NHLRC2: variants seen among roughly 807,000 people sequenced by gnomAD.
NHLRC2 encodes the protein NHL repeat-containing protein 2.
NHLRC2 carries 33 observed loss-of-function variants against 68.1 expected under a neutral mutation model. That is an observed-to-expected ratio of 0.48 (90% CI 0.37 to 0.65). The LOEUF (loss-of-function observed/expected upper bound fraction) is 0.65, where lower values mean the gene tolerates loss of function less well. NHLRC2 is among the 30% of genes least tolerant of loss of function. The pLI, the probability that NHLRC2 is intolerant of heterozygous loss-of-function variation, is 0.00. For missense variants in NHLRC2, 761 were observed against 853.8 expected (o/e 0.89, Z 1.35); for synonymous variants, 311 against 309.6 (o/e 1.00, Z -0.05).
chr10:113,872,465 A>G (rs189107219), intron 2 of NHLRC2, among the ~76,000 whole-genome samples: 1 of 152,296 alleles, frequency 6.6e-6, no homozygotes, highest in East Asian at 1.9e-4. Flanking sequence ...TCAGAGTTAA[A>G]ATGCTGATAC....
At chr10:113,874,785 T>A (rs1053669515) in intron 2 of NHLRC2, among the ~76,000 whole-genome samples, 1 of 152,100 alleles carries the variant, frequency 6.6e-6, no homozygotes, top group African/African-American at 2.4e-5. Flanking sequence ...TTGGATTAAT[T>A]TCTGTTGAGC....
At position 113,916,663 on chromosome 10, in the gene NHLRC2, A is replaced by G. The variant is rs1846389119; in HGVS notation, c.*8127A>G. On this transcript the variant is annotated 3_prime_UTR_variant, in exon 11 of 11. Transcript: ENST00000369301. ...TGCTGTGTGATTGCAGTTTTAAATTATAACATTTCATAAATATGTCAATTT... is the reference window on the plus strand; with the variant it reads ...TGCTGTGTGATTGCAGTTTTAAATTGTAACATTTCATAAATATGTCAATTT... 1 of 152,206 alleles carries G rather than the reference A, an allele frequency of 6.6e-6. No individual in the cohort carries two copies. The highest frequency in any genetic ancestry group is 6.5e-5 in the Admixed American group (1 of 15,280). 9.4% of individuals were successfully genotyped at this position (152,206 alleles called of 1,614,324 possible).
At chr10:113,865,765 A>G (rs1845862235) in intron 2 of NHLRC2, among the ~76,000 whole-genome samples, 1 of 152,170 alleles carries the variant, frequency 6.6e-6, no homozygotes, top group South Asian at 2.1e-4. Context: ...GAAAATCCTG[A>G]TAACTTAAAA....
chr10:113,887,543 C>A (rs939903051), intron 5 of NHLRC2, among the ~76,000 whole-genome samples: 2 of 150,008 alleles, frequency 1.3e-5, no homozygotes, highest in East Asian at 4.0e-4. Context: ...GCTGAGGCGG[C>A]CAGATCACCT....
In NHLRC2 at chr10:113,892,538, A is replaced by G. The variant is rs771712471; in HGVS notation, c.1040-5572A>G. Among the ~76,000 whole-genome samples, 83 of 152,282 alleles carry G rather than the reference A, an allele frequency of 5.5e-4. No homozygotes were observed. The Middle Eastern group carries it at 0.01, about 19-fold the overall frequency. On this transcript the variant is annotated intron_variant, in intron 5 of 10. Coordinates refer to ENST00000369301, the MANE Select transcript of NHLRC2 (RefSeq NM_198514.4). ...TTTAGAGGGAACAAATCTAATACCC[A>G]TACTCAGTGATGGAACTGTGTGCTT...
intron 5 of NHLRC2, among the ~76,000 whole-genome samples, chr10:113,887,575 GCCTCGCCA>G (rs1345127292): frequency 6.6e-6 from 1 of 152,044 alleles, no homozygotes; most frequent in Non-Finnish European, 1.5e-5. Flanking sequence ...TTCAAGACCA[GCCTCGCCA>G]ACGTGGTGAA....
intron 2 of NHLRC2, among the ~76,000 whole-genome samples, chr10:113,867,879 T>C (rs1845883525): frequency 6.6e-6 from 1 of 152,322 alleles, no homozygotes; most frequent in East Asian, 1.9e-4. Context: ...TGTAATTGAG[T>C]GCATTTAGAA....
intron 1 of NHLRC2, among the ~76,000 whole-genome samples, chr10:113,857,617 G>A (rs2419857): frequency 0.39 from 59,488 of 152,008 alleles, 13,585 homozygotes; most frequent in Middle Eastern, 0.54. Context: ...GCTGCATTGA[G>A]TTATTTATAA....
intron 2 of NHLRC2, among the ~76,000 whole-genome samples, chr10:113,862,915 A>C (rs1308135232): frequency 6.6e-6 from 1 of 152,236 alleles, no homozygotes; most frequent in African/African-American, 2.4e-5. Flanking sequence ...CTGAGGCAGG[A>C]AGATCACTTG....
At chr10:113,863,661 T>C (rs866250804) in intron 2 of NHLRC2, among the ~76,000 whole-genome samples, 4 of 152,022 alleles carry the variant, frequency 2.6e-5, no homozygotes, top group Non-Finnish European at 5.9e-5. Flanking sequence ...AAAAGATCAA[T>C]TTGGGTACAA....
At chr10:113,877,406 A>G (rs990540778) in intron 3 of NHLRC2, among the ~76,000 whole-genome samples, 7 of 152,298 alleles carry the variant, frequency 4.6e-5, no homozygotes, top group South Asian at 2.1e-4. Context: ...CTTGAGATGT[A>G]GTTTATAAAA....
At chr10:113,867,338 TTAAA>T (rs767707208) in intron 2 of NHLRC2, among the ~76,000 whole-genome samples, 19 of 152,380 alleles carry the variant, frequency 1.2e-4, no homozygotes, top group Non-Finnish European at 2.2e-4. Context: ...TTCTATGTTC[TTAAA>T]TAAAGTACTA....
intron 5 of NHLRC2, among the ~76,000 whole-genome samples, chr10:113,889,982 A>C (rs1846117267): frequency 6.6e-6 from 1 of 152,232 alleles, no homozygotes; most frequent in South Asian, 2.1e-4. Flanking sequence ...GGCTATAGAA[A>C]ACCTCCATAA....
At chr10:113,874,209 G>A (rs1359673083) in intron 2 of NHLRC2, among the ~76,000 whole-genome samples, 2 of 151,952 alleles carry the variant, frequency 1.3e-5, no homozygotes, top group Non-Finnish European at 2.9e-5. Context: ...TCTACACTAG[G>A]TACTATGCTA....
intron 2 of NHLRC2, among the ~76,000 whole-genome samples, chr10:113,869,587 C>T (rs1456900031): frequency 6.6e-6 from 1 of 152,142 alleles, no homozygotes; most frequent in Admixed American, 6.5e-5. Context: ...TGTTGTCTCT[C>T]CCTGGAATCT....
At chr10:113,891,798 G>C (rs1382167688) in intron 5 of NHLRC2, among the ~76,000 whole-genome samples, 1 of 152,196 alleles carries the variant, frequency 6.6e-6, no homozygotes, top group African/African-American at 2.4e-5. Flanking sequence ...CTGTTGTTCA[G>C]CCTCAGCCTT....
rs190778985 is a variant in NHLRC2 at position 113,857,291 on chromosome 10, A to G, written c.179-1237A>G. ...GAAGACAGATTAATAAATATTTTGC[A>G]AGTAGGATATGAAATATACATTAAT... On this transcript the variant is annotated intron_variant, in intron 1 of 10. Coordinates refer to ENST00000369301, the MANE Select transcript of NHLRC2 (RefSeq NM_198514.4). Among the ~76,000 whole-genome samples, 367 of 152,248 alleles carry G rather than the reference A, an allele frequency of 2.4e-3. 3 individuals carry two copies. The highest frequency in any genetic ancestry group is 0.01 in the Middle Eastern group (3 of 294).
At chr10:113,895,033 T>C (rs1321523863) in intron 5 of NHLRC2, among the ~76,000 whole-genome samples, 1 of 152,200 alleles carries the variant, frequency 6.6e-6, no homozygotes, top group African/African-American at 2.4e-5. Context: ...GGCATGACTA[T>C]ATTATCATAT....
At chr10:113,855,149 G>C in intron 1 of NHLRC2, 99 bp downstream of exon 1, 1 of 1,075,824 alleles carries the variant, frequency 9.3e-7, no homozygotes, top group African/African-American at 1.6e-5. Flanking sequence ...GGTTTGTGCC[G>C]CTGGCGCCCC....
Sources: allele counts gnomAD v4.1 joint callset (sites outside exome capture counted in the v4.1 genomes callset), GRCh38; gene constraint gnomAD v4.1.1; transcripts MANE v1.5; gene names NCBI Gene and HGNC (gene_info 2026-07-23, HGNC 2026-07-21).